Variants in DNER observed in about 807,000 individuals in gnomAD.
The protein encoded by DNER is delta/notch like EGF repeat containing, also known as delta and Notch-like epidermal growth factor-related receptor.
DNER carries 33 observed loss-of-function variants against 78.2 expected under a neutral mutation model. The ratio of observed to expected loss-of-function variants is 0.42; its 90% CI spans 0.32 to 0.56. DNER has a LOEUF of 0.56. Among genes scored for constraint, DNER ranks in the 20% least tolerant of loss-of-function variants. DNER has a pLI of 0.11. For synonymous variants in DNER, 417 were observed against 384.8 expected, an observed-to-expected ratio of 1.08 and a Z score of -0.98; for missense variants, 918 against 975.3, an observed-to-expected ratio of 0.94 and a Z score of 0.78.
At chr2:229,383,998 A>T (rs753733896) in intron 11 of DNER, among the ~76,000 whole-genome samples, 1 of 152,216 alleles carries the variant, frequency 6.6e-6, no homozygotes, top group Non-Finnish European at 1.5e-5. Context: ...AAGATTGACC[A>T]CATAATTGGA....
At chr2:229,546,154 G>A (rs943007241) in intron 5 of DNER, among the ~76,000 whole-genome samples, 3 of 152,156 alleles carry the variant, frequency 2.0e-5, no homozygotes, top group African/African-American at 4.8e-5. Context: ...TATAATTGAA[G>A]CTGTACATTC....
intron 9 of DNER, 22 bp downstream of exon 9, chr2:229,418,086 G>A: frequency 6.2e-7 from 1 of 1,614,106 alleles, no homozygotes; most frequent in Non-Finnish European, 8.5e-7. Context: ...TTCTGGCACA[G>A]GAAGGCCAGG....
chr2:229,523,652 G>A (rs1336847343), intron 5 of DNER, among the ~76,000 whole-genome samples: 2 of 152,184 alleles, frequency 1.3e-5, no homozygotes, highest in Non-Finnish European at 2.9e-5. Context: ...GGGGGCAGGA[G>A]GACAGAATTC....
intron 6 of DNER, among the ~76,000 whole-genome samples, chr2:229,493,884 T>A (rs79734202): frequency 6.6e-6 from 1 of 151,944 alleles, no homozygotes; most frequent in Non-Finnish European, 1.5e-5. Flanking sequence ...AGGGTAAGAG[T>A]GGCAGCAGGA....
At chr2:229,685,970 G>C (rs1699475772) in intron 1 of DNER, among the ~76,000 whole-genome samples, 1 of 152,084 alleles carries the variant, frequency 6.6e-6, no homozygotes, top group African/African-American at 2.4e-5. Flanking sequence ...CATGGGTAGA[G>C]CTGAAAGAAG....
intron 5 of DNER, among the ~76,000 whole-genome samples, chr2:229,524,779 T>C (rs912152133): frequency 2.6e-5 from 4 of 152,218 alleles, no homozygotes; most frequent in Non-Finnish European, 5.9e-5. Context: ...GTGAAGCCCT[T>C]GATCCCTTAT....
intron 8 of DNER, among the ~76,000 whole-genome samples, chr2:229,434,340 C>T (rs1164169668): frequency 6.6e-6 from 1 of 152,174 alleles, no homozygotes; most frequent in East Asian, 1.9e-4. Flanking sequence ...TCTCATGATC[C>T]TTTAAGAACA....
At chr2:229,682,567 G>A (rs1387261418) in intron 1 of DNER, among the ~76,000 whole-genome samples, 3 of 152,192 alleles carry the variant, frequency 2.0e-5, no homozygotes, top group Non-Finnish European at 4.4e-5. Flanking sequence ...AAGATAAAGG[G>A]CCAGGTGCAG....
rs1251490246 is a variant in DNER, at chr2:229,388,431, T to C, written c.1724-35A>G. The C allele has an allele frequency of 1.9e-6, 3 of 1,567,308 alleles. No homozygotes were observed. The South Asian group carries it at 3.5e-5, about 18-fold the overall frequency. On this transcript the variant is annotated intron_variant, in intron 10 of 12. Transcript: ENST00000341772. ...TAAGAAAAAGCAGTGGTGAAACCGC[T>C]GCACCCATGGTTCCTGTCATTTTTC...
At chr2:229,588,902 G>T (rs971627918) in intron 2 of DNER, among the ~76,000 whole-genome samples, 1 of 152,206 alleles carries the variant, frequency 6.6e-6, no homozygotes, top group African/African-American at 2.4e-5. Context: ...GACTAGGCAA[G>T]CCAGCCTTCG....
intron 6 of DNER, among the ~76,000 whole-genome samples, chr2:229,499,705 A>G (rs1695574206): frequency 6.6e-6 from 1 of 152,112 alleles, no homozygotes; most frequent in African/African-American, 2.4e-5. Flanking sequence ...CAACAAAAGC[A>G]AAAATAGACA....
chr2:229,479,712 CA>C (rs1023070502), intron 6 of DNER, among the ~76,000 whole-genome samples: 123 of 79,748 alleles, frequency 1.5e-3, no homozygotes, highest in African/African-American at 2.9e-3. Context: ...GACTTTGTCT[CA>C]AAAAAAAAAA....
chr2:229,646,677 C>A (rs1291705940), intron 1 of DNER, among the ~76,000 whole-genome samples: 1 of 152,204 alleles, frequency 6.6e-6, no homozygotes, highest in Non-Finnish European at 1.5e-5. Flanking sequence ...GTATTTTTGA[C>A]CTTGTGTTAT....
intron 4 of DNER, among the ~76,000 whole-genome samples, chr2:229,569,744 T>C (rs1013842338): frequency 1.3e-5 from 2 of 152,194 alleles, no homozygotes; most frequent in African/African-American, 4.8e-5. Context: ...TTTTTATTTT[T>C]TTCAAATATT....
chr2:229,569,987 G>C (rs1047380852), intron 4 of DNER, among the ~76,000 whole-genome samples: 9 of 152,160 alleles, frequency 5.9e-5, no homozygotes, highest in African/African-American at 2.2e-4. Flanking sequence ...TCTTCCAGGA[G>C]ATCTGTGTGA....
chr2:229,693,837 G>A (rs1183187217), intron 1 of DNER, among the ~76,000 whole-genome samples: 1 of 152,162 alleles, frequency 6.6e-6, no homozygotes, highest in Non-Finnish European at 1.5e-5. Context: ...CATTTTCTAG[G>A]GAGACATTCA....
At chr2:229,500,517 A>C (rs1444696712) in intron 6 of DNER, among the ~76,000 whole-genome samples, 2 of 152,226 alleles carry the variant, frequency 1.3e-5, no homozygotes, top group African/African-American at 4.8e-5. Context: ...ATGATGCAGT[A>C]ATCTCCCTAC....
chr2:229,388,135 G>A, intron 11 of DNER, 130 bp downstream of exon 11: 6 of 1,352,684 alleles, frequency 4.4e-6, no homozygotes, highest in Non-Finnish European at 5.9e-6. Flanking sequence ...GTCCCTCTGG[G>A]ACTCACTGCC....
intron 11 of DNER, among the ~76,000 whole-genome samples, chr2:229,383,067 G>T (rs1692780612): frequency 6.6e-6 from 1 of 152,156 alleles, no homozygotes; most frequent in Non-Finnish European, 1.5e-5. Context: ...AGATCTCTCT[G>T]CAGAAACCCT....
Sources: gnomAD v4.1 joint callset for allele counts (sites outside exome capture counted in the v4.1 genomes callset) on GRCh38, gnomAD v4.1.1 for gene constraint, MANE v1.5 for transcripts, NCBI Gene and HGNC (gene_info 2026-07-23, HGNC 2026-07-21) for gene names.